VTI1A: variants seen among roughly 807,000 people sequenced by gnomAD.
VTI1A encodes vesicle transport through interaction with t-SNAREs homolog 1A.
Under a neutral mutation model 34.9 loss-of-function variants are expected in VTI1A, and 22 were observed. That is an observed-to-expected ratio of 0.63 (90% confidence interval 0.45 to 0.90). The LOEUF is 0.90. Among genes scored for constraint, VTI1A ranks in the 40% least tolerant of loss-of-function variants. The probability of loss-of-function intolerance (pLI) is 0.00; values close to 1 mark genes in which losing one functional copy is unlikely to be tolerated. For synonymous variants in VTI1A, 87 were observed against 97.3 expected, an observed-to-expected ratio of 0.89 and a Z score of 0.62; for missense variants, 268 against 275.6, an observed-to-expected ratio of 0.97 and a Z score of 0.20.
At chr10:112,466,257 G>A (rs1847890284) in intron 3 of VTI1A, among the ~76,000 whole-genome samples, 1 of 152,164 alleles carries the variant, frequency 6.6e-6, no homozygotes, top group Non-Finnish European at 1.5e-5. Flanking sequence ...TCCACTGTAA[G>A]ACCAACATCA....
At chr10:112,748,607 T>C (rs1449666243) in intron 7 of VTI1A, among the ~76,000 whole-genome samples, 1 of 151,420 alleles carries the variant, frequency 6.6e-6, no homozygotes, top group East Asian at 1.9e-4. Context: ...TTTTTTTTTT[T>C]TAATTTAGAA....
intron 5 of VTI1A, among the ~76,000 whole-genome samples, chr10:112,552,422 T>C (rs1851391538): frequency 6.6e-6 from 1 of 151,992 alleles, no homozygotes; most frequent in Admixed American, 6.6e-5. Context: ...GACCTGTTCA[T>C]TTGAAACCAA....
intron 1 of VTI1A, among the ~76,000 whole-genome samples, chr10:112,455,692 T>A (rs892092157): frequency 1.2e-4 from 16 of 133,678 alleles, no homozygotes; most frequent in Non-Finnish European, 2.2e-4. Context: ...CCTTCCTTCC[T>A]CATACTTTAC....
intron 7 of VTI1A, among the ~76,000 whole-genome samples, chr10:112,757,879 ATTG>A (rs1197721352): frequency 6.6e-6 from 1 of 152,122 alleles, no homozygotes. Context: ...TGCAAATAGA[ATTG>A]TTGTTTACTT....
chr10:112,524,720 A>C (rs2134216271), intron 3 of VTI1A, among the ~76,000 whole-genome samples: 1 of 152,280 alleles, frequency 6.6e-6, no homozygotes, highest in Admixed American at 6.5e-5. Flanking sequence ...AATCTATGCC[A>C]ATTTGTTGGT....
rs554738264 is a variant in VTI1A, at chr10:112,659,005, T to C, written c.428-9213T>C. Among the ~76,000 whole-genome samples, 3 of 152,366 alleles carry C rather than the reference T, an allele frequency of 2.0e-5. No individual in the cohort carries two copies. In the South Asian group the frequency reaches 6.2e-4, roughly 32 times the overall value. On this transcript the variant is annotated intron_variant, in intron 5 of 7. Coordinates refer to ENST00000393077, the MANE Select transcript of VTI1A (RefSeq NM_145206.4). ...AATTAAAATGCTATACATTTAGTGA[T>C]AGCAATGTGTGCAGAGTTCACAAAG...
At chr10:112,768,688 C>T (rs1851715688) in intron 7 of VTI1A, among the ~76,000 whole-genome samples, 1 of 152,128 alleles carries the variant, frequency 6.6e-6, no homozygotes, top group Non-Finnish European at 1.5e-5. Flanking sequence ...AATCCTGGAG[C>T]AGGGGTGAGG....
intron 3 of VTI1A, among the ~76,000 whole-genome samples, chr10:112,498,342 A>T (rs1849100825): frequency 6.6e-6 from 1 of 152,168 alleles, no homozygotes; most frequent in Admixed American, 6.5e-5. Flanking sequence ...ATATATTTAT[A>T]CTTTATTCTG....
the VTI1A span, among the ~76,000 whole-genome samples, chr10:112,844,779 C>T: frequency 6.6e-6 from 1 of 152,166 alleles, no homozygotes; most frequent in Non-Finnish European, 1.5e-5. Context: ...AGATATTCAC[C>T]CTTTCCCTCC....
chr10:112,797,683 G>T (rs924980915), intron 7 of VTI1A, among the ~76,000 whole-genome samples: 3 of 139,184 alleles, frequency 2.2e-5, no homozygotes, highest in African/African-American at 7.7e-5. Flanking sequence ...TAGCCAATCT[G>T]TGATGACGTG....
intron 3 of VTI1A, among the ~76,000 whole-genome samples, chr10:112,499,646 CA>C (rs1203603495): frequency 6.6e-6 from 1 of 152,188 alleles, no homozygotes; most frequent in Non-Finnish European, 1.5e-5. Context: ...ATCTTTTCTC[CA>C]AAACCTGTTC....
chr10:112,737,526 AT>A (rs1457135483), intron 7 of VTI1A: 8 of 1,050,690 alleles, frequency 7.6e-6, no homozygotes. Context: ...GGTGTGCAGT[AT>A]TTTAGGTACA....
intron 5 of VTI1A, among the ~76,000 whole-genome samples, chr10:112,603,865 G>C (rs1362277575): frequency 6.6e-6 from 1 of 152,084 alleles, no homozygotes; most frequent in East Asian, 1.9e-4. Context: ...GTTACTCTTG[G>C]TAGATGACAA....
chr10:112,572,255 C>G (rs986050190), intron 5 of VTI1A, among the ~76,000 whole-genome samples: 1 of 152,174 alleles, frequency 6.6e-6, no homozygotes, highest in Non-Finnish European at 1.5e-5. Context: ...ATCCCTTCAT[C>G]ATCAAATAAA....
At chr10:112,503,283 C>T (rs187795335) in intron 3 of VTI1A, among the ~76,000 whole-genome samples, 19 of 152,292 alleles carry the variant, frequency 1.2e-4, no homozygotes, top group Non-Finnish European at 1.8e-4. Context: ...TCCTTCTACG[C>T]CTGTGGTAAC....
chr10:112,674,713 C>T (rs993845484), intron 7 of VTI1A, among the ~76,000 whole-genome samples: 5 of 152,208 alleles, frequency 3.3e-5, no homozygotes, highest in Admixed American at 2.6e-4. Context: ...CATCACTATC[C>T]CCCTTTTACA....
intron 3 of VTI1A, among the ~76,000 whole-genome samples, chr10:112,503,834 A>T (rs532144911): frequency 6.6e-6 from 1 of 152,314 alleles, no homozygotes; most frequent in Admixed American, 6.5e-5. Context: ...GTATGATGTC[A>T]TAGATCTGCA....
chr10:112,584,399 G>A (rs1844069272), intron 5 of VTI1A, among the ~76,000 whole-genome samples: 1 of 152,164 alleles, frequency 6.6e-6, no homozygotes, highest in Non-Finnish European at 1.5e-5. Context: ...CTTCAGAGGA[G>A]GAATGAGTAA....
rs1458775585 is a variant in VTI1A at position 112,533,437 on chromosome 10, G to T, written c.343-4809G>T. On this transcript the variant is annotated intron_variant, in intron 4 of 7. Transcript: ENST00000393077. ...TGCTAAACATGTAAACAGATAAATT[G>T]TCAATGTTAATTCTGTATCCTGTCA... 2.9e-5 allele frequency: 23 copies of T among 806,260 alleles called. No individual in the cohort carries two copies. The East Asian group carries it at 2.0e-3, about 69-fold the overall frequency. The allele number at this position is 806,260 out of a possible 1,614,324, so 49.9% of individuals were successfully genotyped here.
Sources: allele counts gnomAD v4.1 joint callset (sites outside exome capture counted in the v4.1 genomes callset), GRCh38; gene constraint gnomAD v4.1.1; transcripts MANE v1.5; gene names NCBI Gene and HGNC (gene_info 2026-07-23, HGNC 2026-07-21).